Variants in SCRN1 observed in about 807,000 individuals in gnomAD.
SCRN1 encodes secernin 1, also known as secernin-1.
In SCRN1, 19 loss-of-function variants were observed where a neutral mutation model predicts 43.3. The observed-to-expected ratio is 0.44, with a 90% CI of 0.31 to 0.64. SCRN1 has a LOEUF of 0.64. Among genes scored for constraint, SCRN1 ranks in the 30% least tolerant of loss-of-function variants. The probability of loss-of-function intolerance (pLI) is 0.09; values close to 1 mark genes in which losing one functional copy is unlikely to be tolerated. For synonymous variants in SCRN1, 183 were observed against 188.9 expected (o/e 0.97, Z 0.26); for missense variants, 447 against 524.1 (o/e 0.85, Z 1.44).
At chr7:29,962,891 G>A (rs1788372919) in intron 2 of SCRN1, among the ~76,000 whole-genome samples, 1 of 151,942 alleles carries the variant, frequency 6.6e-6, no homozygotes, top group African/African-American at 2.4e-5. Context: ...TTCTGTACTT[G>A]GTACAAGTAT....
rs372901964 is a variant in SCRN1 at position 29,967,391 on chromosome 7, C to CTTT, written c.159+1515_159+1517dup. On this transcript the variant is annotated intron_variant, in intron 2 of 7. Transcript: ENST00000242059. ...TACTCAAAATAGAAATTCATGTATACTTTTTTTTTTTTTTTTTTAAAGAGA... is the reference window on the plus strand; with the variant it reads ...TACTCAAAATAGAAATTCATGTATACTTTTTTTTTTTTTTTTTTTTTAAAGAGA... Among the ~76,000 whole-genome samples, 75 of 137,364 alleles carry CTTT rather than the reference C, an allele frequency of 5.5e-4. 1 individual carries two copies. The highest frequency in any genetic ancestry group is 1.4e-3 in the African/African-American group (54 of 37,256). 90.1% of individuals were successfully genotyped at this position (137,364 alleles called of 152,430 possible).
intron 1 of SCRN1, among the ~76,000 whole-genome samples, chr7:29,981,641 G>A (rs1244561052): frequency 2.6e-5 from 4 of 152,202 alleles, no homozygotes; most frequent in African/African-American, 9.7e-5. Flanking sequence ...TAGCCTGACT[G>A]AGTGAACTGA....
chr7:29,973,177 C>A (rs916982536), intron 1 of SCRN1, among the ~76,000 whole-genome samples: 2 of 152,202 alleles, frequency 1.3e-5, no homozygotes, highest in Non-Finnish European at 2.9e-5. Flanking sequence ...ACCAGGCTGA[C>A]TTAGATTACA....
Position 29,920,607 on chromosome 7 carries a change from A to C in SCRN1, c.*3350T>G, listed in dbSNP as rs189862314. 1 of 152,350 alleles carries C rather than the reference A, an allele frequency of 6.6e-6. No homozygotes were observed. The highest frequency in any genetic ancestry group is 1.9e-4 in the East Asian group (1 of 5,180). The allele number at this position is 152,350 out of a possible 1,614,324, so 9.4% of individuals were successfully genotyped here. ...CACGTGCTTCCTTCCTAAGGCTGAG[A>C]GCTCAACTGAAGACCTTCCCCAATA... On this transcript the variant is annotated 3_prime_UTR_variant, in exon 8 of 8. Transcript: ENST00000242059.
At chr7:29,983,671 T>C (rs1789064112) in intron 1 of SCRN1, among the ~76,000 whole-genome samples, 1 of 152,122 alleles carries the variant, frequency 6.6e-6, no homozygotes, top group Non-Finnish European at 1.5e-5. Context: ...ATATGTGGGA[T>C]TAGCCAAGTT....
At chr7:29,946,684 G>A (rs1787748503) in intron 3 of SCRN1, among the ~76,000 whole-genome samples, 2 of 152,136 alleles carry the variant, frequency 1.3e-5, no homozygotes, top group South Asian at 4.1e-4. Flanking sequence ...ACTATCCACA[G>A]ACCTAATTCT....
chr7:29,974,229 A>T (rs2127926747), intron 1 of SCRN1, among the ~76,000 whole-genome samples: 1 of 152,330 alleles, frequency 6.6e-6, no homozygotes, highest in South Asian at 2.1e-4. Flanking sequence ...ATTTTAAAGA[A>T]AAATTTTAGT....
chr7:29,975,904 A>G (rs1410233682), intron 1 of SCRN1, among the ~76,000 whole-genome samples: 1 of 152,198 alleles, frequency 6.6e-6, no homozygotes, highest in African/African-American at 2.4e-5. Flanking sequence ...TGTACTATAC[A>G]TTTATGTTCT....
intron 6 of SCRN1, 105 bp downstream of exon 6, chr7:29,936,451 G>T: frequency 9.7e-7 from 1 of 1,032,112 alleles, no homozygotes; most frequent in Non-Finnish European, 1.4e-6. Context: ...ACGTGACTTT[G>T]CTATCCAAGG....
chr7:29,987,953 A>G (rs1789212792), intron 1 of SCRN1, among the ~76,000 whole-genome samples: 1 of 151,992 alleles, frequency 6.6e-6, no homozygotes, highest in Non-Finnish European at 1.5e-5. Context: ...CCTCTATTCC[A>G]TTATCCCTGA....
rs1222415538 is a variant in SCRN1 at position 29,989,661 on chromosome 7, G to GCTCCGCT, written c.-28_-22dup. 1.2e-4 allele frequency: 117 copies of GCTCCGCT among 985,686 alleles called. 1 individual carries two copies. The Middle Eastern group carries it at 4.7e-3, about 40-fold the overall frequency. The allele number at this position is 985,686 out of a possible 1,614,324, so 61.1% of individuals were successfully genotyped here. A position where few individuals can be genotyped will look rare whatever the true frequency, so the allele number is the denominator to read the frequency against. On this transcript the variant is annotated 5_prime_UTR_variant, in exon 1 of 8. Transcript: ENST00000242059. ...GCTCACCTGGGGCGGCGGGCTCCGG[G>GCTCCGCT]CTCCGCTCTCCGCTCTGCGGTGCTG...
intron 1 of SCRN1, among the ~76,000 whole-genome samples, chr7:29,985,371 C>T (rs1789117483): frequency 8.1e-6 from 1 of 123,966 alleles, no homozygotes; most frequent in South Asian, 2.5e-4. Context: ...CACGCCACTA[C>T]ACTCCAGCCT....
intron 2 of SCRN1, among the ~76,000 whole-genome samples, chr7:29,966,452 A>G (rs1273969700): frequency 6.6e-6 from 1 of 152,184 alleles, no homozygotes; most frequent in African/African-American, 2.4e-5. Flanking sequence ...TTTAGTTTGT[A>G]TGTCTTTTGG....
At chr7:29,970,033 C>G (rs969627904) in intron 1 of SCRN1, 4 of 372,196 alleles carry the variant, frequency 1.1e-5, no homozygotes, top group East Asian at 1.5e-4. Context: ...CAAGCCACCA[C>G]CATCTCCAGC....
chr7:29,930,147 G>T (rs1042253103), intron 6 of SCRN1, among the ~76,000 whole-genome samples: 17 of 152,060 alleles, frequency 1.1e-4, no homozygotes, highest in Non-Finnish European at 2.4e-4. Context: ...GTGGTTAAAA[G>T]CTTTTTTGAG....
intron 3 of SCRN1, among the ~76,000 whole-genome samples, chr7:29,947,016 G>C (rs566089675): frequency 6.6e-6 from 1 of 152,244 alleles, no homozygotes; most frequent in African/African-American, 2.4e-5. Context: ...TTCCAGAAGA[G>C]GGCAGTGCTC....
At chr7:29,929,513 A>G (rs913849354) in intron 6 of SCRN1, among the ~76,000 whole-genome samples, 5 of 152,224 alleles carry the variant, frequency 3.3e-5, no homozygotes, top group Admixed American at 2.0e-4. Flanking sequence ...TGCGCATCTC[A>G]GGACTCTTCT....
chr7:29,983,536 T>A (rs1307490539), intron 1 of SCRN1, among the ~76,000 whole-genome samples: 1 of 151,944 alleles, frequency 6.6e-6, no homozygotes, highest in African/African-American at 2.4e-5. Context: ...AAAGATTCAG[T>A]GTTATGTAAA....
At chr7:29,990,040 G>C, upstream of SCRN1, 1 of 1,479,598 alleles carries the variant, frequency 6.8e-7, no homozygotes, top group Non-Finnish European at 8.9e-7. Context: ...TTTATTTCTT[G>C]GTTGTGGCTC....
Sources: gnomAD v4.1 joint callset for allele counts (sites outside exome capture counted in the v4.1 genomes callset) on GRCh38, gnomAD v4.1.1 for gene constraint, MANE v1.5 for transcripts, NCBI Gene and HGNC (gene_info 2026-07-23, HGNC 2026-07-21) for gene names.